Variants in LRRC2 observed in about 807,000 individuals in gnomAD.
LRRC2 encodes leucine rich repeat containing 2, also known as leucine-rich repeat-containing protein 2.
A neutral mutation model predicts 40.2 loss-of-function variants in LRRC2; 27 were observed. The observed-to-expected ratio is 0.67, with a 90% CI of 0.49 to 0.93. LRRC2 has a LOEUF of 0.93. LRRC2 is among the 40% of genes least tolerant of loss of function. The probability of loss-of-function intolerance (pLI) is 0.00; values close to 1 mark genes in which losing one functional copy is unlikely to be tolerated. For missense variants in LRRC2, 402 were observed against 439.6 expected, an observed-to-expected ratio of 0.91 and a Z score of 0.76; for synonymous variants, 147 against 158.9, an observed-to-expected ratio of 0.92 and a Z score of 0.56.
intron 4 of LRRC2, among the ~76,000 whole-genome samples, chr3:46,537,250 G>A (rs1472621639): frequency 2.0e-5 from 3 of 152,044 alleles, no homozygotes; most frequent in Non-Finnish European, 2.9e-5. Flanking sequence ...ACAGGCACAC[G>A]CCATCATGCC....
intron 4 of LRRC2, among the ~76,000 whole-genome samples, chr3:46,533,727 TTCCTTCCTTCCTTCCTTC>T (rs1395575482): frequency 4.1e-5 from 6 of 147,214 alleles, no homozygotes; most frequent in Non-Finnish European, 9.0e-5. Context: ...CCTTCCTTCC[TTCCTTCCTTCCTTCCTTC>T]CTTCTTCCTT....
At chr3:46,562,461 C>T (rs9822457) in intron 1 of LRRC2, among the ~76,000 whole-genome samples, 57,464 of 151,648 alleles carry the variant, frequency 0.38, 11,108 homozygotes, top group East Asian at 0.63. Flanking sequence ...TCTAAACTAA[C>T]AGTCTAGAAT....
intron 8 of LRRC2, 77 bp from the exon 9 acceptor site, chr3:46,519,140 T>TTC: frequency 5.2e-6 from 5 of 964,094 alleles, no homozygotes; most frequent in Non-Finnish European, 8.5e-6. Flanking sequence ...ATGACATACA[T>TTC]AATGAATGTA....
chr3:46,527,415 G>C lies in LRRC2; in HGVS notation c.929+11C>G. On this transcript the variant is annotated intron_variant, in intron 7 of 8. Coordinates refer to ENST00000395905, the MANE Select transcript of LRRC2 (RefSeq NM_024512.5). Reference sequence around the variant, plus strand: ...TCTGAGTGTGTCTACTGGGATTTCCGGGCTACTCACTTTAAAGGTGTGGAT... The same window carrying C: ...TCTGAGTGTGTCTACTGGGATTTCCCGGCTACTCACTTTAAAGGTGTGGAT... The C allele has an allele frequency of 1.2e-6, 2 of 1,613,560 alleles. No individual in the cohort carries two copies. The highest frequency in any genetic ancestry group is 1.1e-5 in the South Asian group (1 of 91,038).
intron 7 of LRRC2, among the ~76,000 whole-genome samples, chr3:46,525,086 C>CT (rs11284933): frequency 2.1e-3 from 244 of 117,558 alleles, no homozygotes; most frequent in Middle Eastern, 9.4e-3. Flanking sequence ...CTTTTTTTTT[C>CT]TTTTTTTTTT....
At chr3:46,556,375 C>A (rs1412691713) in intron 1 of LRRC2, among the ~76,000 whole-genome samples, 1 of 152,050 alleles carries the variant, frequency 6.6e-6, no homozygotes. Flanking sequence ...GATTCTCCCA[C>A]CTCAACCTCC....
chr3:46,530,144 G>A, intron 5 of LRRC2, 94 bp from the exon 6 acceptor site: 1 of 998,230 alleles, frequency 1.0e-6, no homozygotes, highest in Admixed American at 2.1e-5. Flanking sequence ...TTCCCCAAAG[G>A]CATTTCTATG....
chr3:46,540,381 T>C (rs2107014547), intron 3 of LRRC2, among the ~76,000 whole-genome samples: 1 of 151,988 alleles, frequency 6.6e-6, no homozygotes. Flanking sequence ...AAAAATTAGC[T>C]AGGTGTGGTG....
intron 2 of LRRC2, among the ~76,000 whole-genome samples, chr3:46,550,533 A>T (rs1378826717): frequency 1.3e-5 from 2 of 151,978 alleles, no homozygotes; most frequent in Non-Finnish European, 2.9e-5. Context: ...CTGGGACTAC[A>T]GGCGCCCGCC....
Position 46,553,415 on chromosome 3 carries a change from T to G in LRRC2, c.-19-1805A>C, listed in dbSNP as rs114542294. Among the ~76,000 whole-genome samples the G allele has an allele frequency of 3.2e-3, 487 of 152,344 alleles. 6 individuals carry two copies. Among genetic ancestry groups the G allele is most frequent in the Middle Eastern group, 0.02 (6 of 294 alleles). ...TCCTCCAATTTCAGACACTTCTATA[T>G]AGCAGTCACGGATATGAAGCCAAAT... On this transcript the variant is annotated intron_variant, in intron 1 of 8. Transcript: ENST00000395905.
intron 2 of LRRC2, among the ~76,000 whole-genome samples, chr3:46,549,292 T>C (rs991212752): frequency 6.6e-6 from 1 of 152,114 alleles, no homozygotes; most frequent in Non-Finnish European, 1.5e-5. Flanking sequence ...AGTAAACAGA[T>C]CCTGAGAAAC....
intron 2 of LRRC2, among the ~76,000 whole-genome samples, chr3:46,550,097 G>A (rs1298024497): frequency 6.6e-6 from 1 of 152,128 alleles, no homozygotes; most frequent in Non-Finnish European, 1.5e-5. Context: ...TCAGATTAGT[G>A]GCAAGAGAAA....
At chr3:46,565,248 C>A (rs1322545925) in intron 1 of LRRC2, among the ~76,000 whole-genome samples, 3 of 152,166 alleles carry the variant, frequency 2.0e-5, no homozygotes, top group African/African-American at 7.2e-5. Flanking sequence ...CCCTGCCTAC[C>A]CACTCTCTGG....
chr3:46,541,170 A>G (rs1704379965), intron 3 of LRRC2, among the ~76,000 whole-genome samples: 1 of 151,968 alleles, frequency 6.6e-6, no homozygotes. Flanking sequence ...CGTCTCTACT[A>G]AAAATACAAA....
intron 7 of LRRC2, among the ~76,000 whole-genome samples, chr3:46,525,113 G>A (rs1417929988): frequency 8.0e-6 from 1 of 124,604 alleles, no homozygotes; most frequent in Non-Finnish European, 1.6e-5. Context: ...TTTAGATAGA[G>A]TCTTGCTCTA....
At chr3:46,539,918 G>T (rs1212533096) in intron 3 of LRRC2, among the ~76,000 whole-genome samples, 1 of 152,044 alleles carries the variant, frequency 6.6e-6, no homozygotes, top group Admixed American at 6.6e-5. Flanking sequence ...AGCCCCCATT[G>T]CAGGTGAGGG....
At chr3:46,540,728 C>T (rs747976176) in intron 3 of LRRC2, among the ~76,000 whole-genome samples, 11 of 152,126 alleles carry the variant, frequency 7.2e-5, no homozygotes, top group Non-Finnish European at 1.5e-4. Context: ...AAGCATAGGG[C>T]CCTGTGCCGC....
intron 1 of LRRC2, among the ~76,000 whole-genome samples, chr3:46,554,788 T>C (rs1559420131): frequency 6.6e-6 from 1 of 152,208 alleles, no homozygotes; most frequent in Non-Finnish European, 1.5e-5. Flanking sequence ...ATATGATAAC[T>C]CTATAGTTAA....
intron 3 of LRRC2, among the ~76,000 whole-genome samples, chr3:46,540,489 C>A (rs945007487): frequency 1.3e-5 from 2 of 149,642 alleles, no homozygotes; most frequent in Non-Finnish European, 3.0e-5. Context: ...AGCACCACTG[C>A]ACTCCAGCCT....
Sources: gnomAD v4.1 joint callset for allele counts (sites outside exome capture counted in the v4.1 genomes callset) on GRCh38, gnomAD v4.1.1 for gene constraint, MANE v1.5 for transcripts, NCBI Gene and HGNC (gene_info 2026-07-23, HGNC 2026-07-21) for gene names.